The following PTPN13 variants were observed in gnomAD, a reference collection of about 807,000 sequenced individuals.
PTPN13 encodes the protein tyrosine-protein phosphatase non-receptor type 13.
A neutral mutation model predicts 284.0 loss-of-function variants in PTPN13; 191 were observed. The ratio of observed to expected loss-of-function variants is 0.67; its 90% CI spans 0.60 to 0.76. The LOEUF (loss-of-function observed/expected upper bound fraction) is 0.76. Among genes scored for constraint, PTPN13 ranks in the 30% least tolerant of loss-of-function variants. The pLI is 0.00. For missense variants in PTPN13, 2,797 were observed against 2,939.9 expected, an observed-to-expected ratio of 0.95 and a Z score of 1.12; for synonymous variants, 986 against 1,022.3, an observed-to-expected ratio of 0.96 and a Z score of 0.68.
chr4:86,661,242 T>A (rs1726453107), intron 2 of PTPN13: 1 of 284,854 alleles, frequency 3.5e-6, no homozygotes, highest in African/African-American at 2.3e-5. Context: ...TCATACAATG[T>A]AAACTCTTGG....
chr4:86,642,268 T>C (rs1723881307), intron 2 of PTPN13, among the ~76,000 whole-genome samples: 1 of 152,030 alleles, frequency 6.6e-6, no homozygotes, highest in South Asian at 2.1e-4. Flanking sequence ...TTTTTGTGAA[T>C]GGTAGATAGC....
At chr4:86,746,132 A>G (rs1459006132) in intron 17 of PTPN13, among the ~76,000 whole-genome samples, 1 of 152,168 alleles carries the variant, frequency 6.6e-6, no homozygotes, top group Non-Finnish European at 1.5e-5. Flanking sequence ...AATGGTCAGG[A>G]GAATGGTTTA....
chr4:86,762,181 C>T (rs1177136285), intron 23 of PTPN13, among the ~76,000 whole-genome samples: 1 of 152,176 alleles, frequency 6.6e-6, no homozygotes, highest in Non-Finnish European at 1.5e-5. Flanking sequence ...CCATGTTGGG[C>T]AGGCTGGTCT....
chr4:86,654,281 A>G (rs1451950605), intron 2 of PTPN13, among the ~76,000 whole-genome samples: 1 of 152,212 alleles, frequency 6.6e-6, no homozygotes, highest in Non-Finnish European at 1.5e-5. Flanking sequence ...CGCTAGCAAG[A>G]CTAATAAAGG....
At chr4:86,741,931 A>G in intron 16 of PTPN13, 115 bp downstream of exon 16, 1 of 803,162 alleles carries the variant, frequency 1.2e-6, no homozygotes, top group South Asian at 2.3e-5. Context: ...AATACATCTT[A>G]ATACTATTTA....
In PTPN13 at chr4:86,779,718, T is replaced by A. The variant is rs147791593; in HGVS notation, c.5892-684T>A. ...TTAAGTATATTGCCTCTCCCAATACTGTACACCTTAGGCAACTCCCCTCTT... is the reference window on the plus strand; with the variant it reads ...TTAAGTATATTGCCTCTCCCAATACAGTACACCTTAGGCAACTCCCCTCTT... On this transcript the variant is annotated intron_variant, in intron 35 of 47. Coordinates refer to ENST00000411767, the MANE Select transcript of PTPN13 (RefSeq NM_080683.3). 3.7e-3 allele frequency among the ~76,000 whole-genome samples: 568 copies of A among 152,300 alleles called. 4 individuals carry two copies. Among genetic ancestry groups the A allele is most frequent in the Middle Eastern group, 0.01 (3 of 294 alleles).
intron 2 of PTPN13, among the ~76,000 whole-genome samples, chr4:86,666,799 A>G (rs894977939): frequency 1.3e-5 from 2 of 152,136 alleles, no homozygotes; most frequent in East Asian, 1.9e-4. Context: ...CCCCGCCCTA[A>G]TCTTATTATG....
At chr4:86,694,008 G>A (rs922326821) in intron 6 of PTPN13, among the ~76,000 whole-genome samples, 1 of 151,550 alleles carries the variant, frequency 6.6e-6, no homozygotes, top group Admixed American at 6.6e-5. Context: ...ATAAACACAT[G>A]TATATGTTTA....
intron 6 of PTPN13, among the ~76,000 whole-genome samples, chr4:86,695,689 C>G (rs190256470): frequency 6.6e-6 from 1 of 151,768 alleles, no homozygotes; most frequent in Non-Finnish European, 1.5e-5. Flanking sequence ...CCTTTCCTCT[C>G]TCCCTCCCTC....
chr4:86,613,244 AC>A lies in PTPN13; in HGVS notation c.-6+18457del, dbSNP rs1720130300. On this transcript the variant is annotated intron_variant, in intron 1 of 47. Coordinates refer to ENST00000411767, the MANE Select transcript of PTPN13 (RefSeq NM_080683.3). ...TGTGGGTAACCTCTGCCGAGCACTT[AC>A]CAAAATTCCAGATTCCCATAAGGAA... Among the ~76,000 whole-genome samples the A allele has an allele frequency of 4.6e-5, 7 of 152,220 alleles. No individual in the cohort carries two copies. The South Asian group carries it at 1.4e-3, about 31-fold the overall frequency.
intron 2 of PTPN13, among the ~76,000 whole-genome samples, chr4:86,654,880 C>T (rs1725555874): frequency 6.6e-6 from 1 of 152,104 alleles, no homozygotes; most frequent in Non-Finnish European, 1.5e-5. Flanking sequence ...GAGTCTAAGT[C>T]TCTTTGTAGG....
chr4:86,755,062 C>T (rs1300030296), intron 20 of PTPN13, among the ~76,000 whole-genome samples: 1 of 151,956 alleles, frequency 6.6e-6, no homozygotes, highest in Non-Finnish European at 1.5e-5. Context: ...TTGCCCATGC[C>T]TCAAATATGG....
intron 27 of PTPN13, 38 bp from the exon 28 acceptor site, chr4:86,767,779 T>C (rs1038500612): frequency 1.4e-6 from 2 of 1,431,040 alleles, no homozygotes; most frequent in Admixed American, 2.4e-5. Flanking sequence ...TTTCTTAGCA[T>C]TCTTCTTAAT....
chr4:86,811,602 G>A lies in PTPN13; in HGVS notation c.7362+494G>A, dbSNP rs113421379. Among the ~76,000 whole-genome samples the A allele has an allele frequency of 4.5e-3, 692 of 152,206 alleles. 4 individuals are homozygous for A. Among genetic ancestry groups the A allele is most frequent in the African/African-American group, 0.016 (665 of 41,528 alleles). ...TACATGGGTCCATTTATCCTCTTTT[G>A]ATGATTTTCGTTTCTCTTACCTGAA... On this transcript the variant is annotated intron_variant, in intron 47 of 47. Coordinates refer to ENST00000411767, the MANE Select transcript of PTPN13 (RefSeq NM_080683.3).
intron 23 of PTPN13, among the ~76,000 whole-genome samples, chr4:86,761,514 G>T (rs1318532542): frequency 2.0e-5 from 3 of 152,110 alleles, no homozygotes; most frequent in African/African-American, 7.2e-5. Context: ...ACTTCAAAAA[G>T]TTTTACCAAT....
intron 40 of PTPN13, among the ~76,000 whole-genome samples, chr4:86,787,532 C>A (rs558604324): frequency 6.0e-5 from 9 of 151,008 alleles, no homozygotes; most frequent in African/African-American, 1.9e-4. Flanking sequence ...ACGGAGGTTG[C>A]GGTGAGCCGA....
At chr4:86,616,836 G>A (rs1354342881) in intron 1 of PTPN13, among the ~76,000 whole-genome samples, 1 of 152,124 alleles carries the variant, frequency 6.6e-6, no homozygotes, top group Non-Finnish European at 1.5e-5. Context: ...CCTAGCCTCA[G>A]ATATTTCTTT....
intron 47 of PTPN13, among the ~76,000 whole-genome samples, chr4:86,814,111 A>T (rs1195022313): frequency 6.9e-6 from 1 of 145,196 alleles, no homozygotes; most frequent in East Asian, 2.1e-4. Context: ...GTGTCAAGCG[A>T]TTCTCCTGCC....
chr4:86,814,297 G>A (rs967236431), intron 47 of PTPN13, among the ~76,000 whole-genome samples, 159 bp from the exon 48 acceptor site: 8 of 151,510 alleles, frequency 5.3e-5, no homozygotes, highest in African/African-American at 9.7e-5. Flanking sequence ...GAGCCACCGC[G>A]CCCAGCCTAC....
Sources: allele counts gnomAD v4.1 joint callset (sites outside exome capture counted in the v4.1 genomes callset), GRCh38; gene constraint gnomAD v4.1.1; transcripts MANE v1.5; gene names NCBI Gene and HGNC (gene_info 2026-07-23, HGNC 2026-07-21).